MOB3B: variants seen among roughly 807,000 people sequenced by gnomAD.
MOB3B encodes the protein MOB kinase activator 3B.
Under a neutral mutation model 18.7 loss-of-function variants are expected in MOB3B, and 7 were observed. The observed-to-expected ratio is 0.37, with a 90% CI of 0.21 to 0.70. MOB3B has a LOEUF of 0.70. Ranked by LOEUF, MOB3B falls within the 30% of genes least tolerant of loss-of-function variation. The probability of loss-of-function intolerance (pLI) is 0.52; values close to 1 mark genes in which losing one functional copy is unlikely to be tolerated. For synonymous variants in MOB3B, 111 were observed against 99.9 expected (o/e 1.11, Z -0.66); for missense variants, 253 against 281.3 (o/e 0.90, Z 0.72).
chr9:27,435,522 T>C lies in MOB3B; in HGVS notation c.418+19611A>G, dbSNP rs186287823. Among the ~76,000 whole-genome samples the C allele has an allele frequency of 2.6e-4, 39 of 152,278 alleles. No individual in the cohort carries two copies. The East Asian group carries it at 7.3e-3, about 29-fold the overall frequency. ...AGCAATTCTTTTAACATTCAAGTCT[T>C]AACATGTCACTCATCTGCCTTCAGA... On this transcript the variant is annotated intron_variant, in intron 2 of 3. Coordinates refer to ENST00000262244, the MANE Select transcript of MOB3B (RefSeq NM_024761.5).
chr9:27,514,030 C>T (rs970334062), intron 1 of MOB3B, among the ~76,000 whole-genome samples: 1 of 152,108 alleles, frequency 6.6e-6, no homozygotes, highest in African/African-American at 2.4e-5. Flanking sequence ...TCACATTTAG[C>T]AATGAGTGAT....
At chr9:27,524,435 G>T in intron 1 of MOB3B, 1 of 1,614,050 alleles carries the variant, frequency 6.2e-7, no homozygotes, top group Middle Eastern at 1.6e-4. Context: ...GTAACTTACT[G>T]AACGTTCACC....
intron 3 of MOB3B, among the ~76,000 whole-genome samples, chr9:27,340,446 A>G (rs188215587): frequency 2.5e-4 from 38 of 152,292 alleles, no homozygotes; most frequent in African/African-American, 8.7e-4. Flanking sequence ...AAGTTCTCTC[A>G]TTTAACCACA....
chr9:27,464,777 C>T lies in MOB3B; in HGVS notation c.-198-9029G>A, dbSNP rs540840656. Reference sequence around the variant, plus strand: ...GAGGTGGAAGACACTTCTTACATGGCAGCAGCAAGAGAAAAATGAGGAAGA... The same window carrying T: ...GAGGTGGAAGACACTTCTTACATGGTAGCAGCAAGAGAAAAATGAGGAAGA... On this transcript the variant is annotated intron_variant, in intron 1 of 3. Transcript: ENST00000262244. Among the ~76,000 whole-genome samples, 4 of 152,188 alleles carry T rather than the reference C, an allele frequency of 2.6e-5. 1 individual carries two copies. Among genetic ancestry groups the T allele is most frequent in the South Asian group, 4.2e-4 (2 of 4,806 alleles).
chr9:27,362,642 G>A (rs1169078867), intron 2 of MOB3B, among the ~76,000 whole-genome samples: 7 of 152,124 alleles, frequency 4.6e-5, no homozygotes, highest in Non-Finnish European at 1.0e-4. Flanking sequence ...AGCATGCACT[G>A]CAGTCACCCC....
chr9:27,386,507 T>G (rs1110155), intron 2 of MOB3B, among the ~76,000 whole-genome samples: 46,323 of 152,122 alleles, frequency 0.3, 8,239 homozygotes, highest in East Asian at 0.79. Context: ...ACAGCACGAA[T>G]AATTTTTTTC....
In MOB3B at chr9:27,367,147, G is replaced by A. The variant is rs80103329; in HGVS notation, c.419-7911C>T. On this transcript the variant is annotated intron_variant, in intron 2 of 3. Coordinates refer to ENST00000262244, the MANE Select transcript of MOB3B (RefSeq NM_024761.5). ...TGGAATAAATACTTGCTGACCGTTG[G>A]AATGAGAGCTGAGCTCCTGTGCCGC... Among the ~76,000 whole-genome samples the A allele has an allele frequency of 9.4e-3, 1,434 of 152,260 alleles. 25 individuals are homozygous for A. Among genetic ancestry groups the A allele is most frequent in the African/African-American group, 0.033 (1,366 of 41,546 alleles).
chr9:27,359,436 G>A (rs78295981), intron 2 of MOB3B, among the ~76,000 whole-genome samples, 200 bp from the exon 3 acceptor site: 13,684 of 151,804 alleles, frequency 0.09, 727 homozygotes, highest in African/African-American at 0.13. Context: ...ATCAAAGGGA[G>A]CAGTTGCTGC....
intron 1 of MOB3B, among the ~76,000 whole-genome samples, chr9:27,515,146 T>C (rs774303361): frequency 2.0e-5 from 3 of 152,244 alleles, no homozygotes; most frequent in African/African-American, 7.2e-5. Context: ...CATTATGGCA[T>C]GCATTCTTAA....
At chr9:27,475,618 A>T (rs1181348708) in intron 1 of MOB3B, among the ~76,000 whole-genome samples, 1 of 152,252 alleles carries the variant, frequency 6.6e-6, no homozygotes, top group African/African-American at 2.4e-5. Flanking sequence ...ATGAAAATCA[A>T]AAAGCAAATT....
At chr9:27,421,826 G>A (rs1486622693) in intron 2 of MOB3B, 2 of 152,276 alleles carry the variant, frequency 1.3e-5, no homozygotes, top group Admixed American at 1.3e-4. Context: ...ATGTCATTCA[G>A]GTGTGGCTCC....
intron 1 of MOB3B, among the ~76,000 whole-genome samples, chr9:27,494,519 T>C (rs932067770): frequency 2.0e-5 from 3 of 152,024 alleles, no homozygotes; most frequent in Non-Finnish European, 1.5e-5. Context: ...TTAAGGAAAA[T>C]AGAAAAGAAC....
chr9:27,411,497 T>C (rs756867237), intron 2 of MOB3B, among the ~76,000 whole-genome samples: 1 of 152,212 alleles, frequency 6.6e-6, no homozygotes, highest in Non-Finnish European at 1.5e-5. Flanking sequence ...GAGCACACAC[T>C]GTGCCTATTT....
chr9:27,505,398 A>G (rs1587264773), intron 1 of MOB3B, among the ~76,000 whole-genome samples: 1 of 152,138 alleles, frequency 6.6e-6, no homozygotes, highest in Admixed American at 6.5e-5. Flanking sequence ...CTACATTAAA[A>G]CCTACCACTT....
rs1284967715 is a variant in MOB3B, at chr9:27,529,706, C to A, written c.-350G>T. ...CTGCCGCCGGTGCGCGAGGTCCCGG[C>A]GAGCCAACCGGCGGACGGGCGAGCG... On this transcript the variant is annotated 5_prime_UTR_variant, in exon 1 of 4. Transcript: ENST00000262244. 1.0e-6 allele frequency: 1 copy of A among 985,404 alleles called. No homozygotes were observed. Among genetic ancestry groups the A allele is most frequent in the Non-Finnish European group, 1.2e-6 (1 of 829,920 alleles). The allele number at this position is 985,404 out of a possible 1,614,324, so 61.0% of individuals were successfully genotyped here. A position where few individuals can be genotyped will look rare whatever the true frequency, so the allele number is the denominator to read the frequency against.
At chr9:27,364,575 G>A (rs1347542240) in intron 2 of MOB3B, among the ~76,000 whole-genome samples, 1 of 152,072 alleles carries the variant, frequency 6.6e-6, no homozygotes, top group Non-Finnish European at 1.5e-5. Context: ...GAACTCCTAG[G>A]CTTTATTTCT....
Position 27,448,358 on chromosome 9 carries a change from G to A in MOB3B, c.418+6775C>T, listed in dbSNP as rs551794883. 8.1e-4 allele frequency among the ~76,000 whole-genome samples: 124 copies of A among 152,274 alleles called. No homozygotes were observed. The South Asian group carries it at 0.023, about 29-fold the overall frequency. On this transcript the variant is annotated intron_variant, in intron 2 of 3. Transcript: ENST00000262244. ...TCATTCTGCTGATAAAGACATCCCC[G>A]AGTGGGTAACTTATAAAGAAAAAGA...
chr9:27,380,305 G>T (rs151086447), intron 2 of MOB3B, among the ~76,000 whole-genome samples: 3 of 140,786 alleles, frequency 2.1e-5, no homozygotes, highest in African/African-American at 8.0e-5. Flanking sequence ...TCACTCTGTC[G>T]CCAGGCTGGA....
intron 3 of MOB3B, among the ~76,000 whole-genome samples, chr9:27,352,227 A>T (rs911091611): frequency 6.6e-6 from 1 of 152,042 alleles, no homozygotes; most frequent in Non-Finnish European, 1.5e-5. Context: ...CAAAAAATTT[A>T]AAAATTAGCC....
Sources: gnomAD v4.1 joint callset for allele counts (sites outside exome capture counted in the v4.1 genomes callset) on GRCh38, gnomAD v4.1.1 for gene constraint, MANE v1.5 for transcripts, NCBI Gene and HGNC (gene_info 2026-07-23, HGNC 2026-07-21) for gene names.